The following UNC5A variants were observed in gnomAD, a reference collection of about 807,000 sequenced individuals.
The protein encoded by UNC5A is netrin receptor UNC5A.
A neutral mutation model predicts 87.4 loss-of-function variants in UNC5A; 20 were observed. The ratio of observed to expected loss-of-function variants is 0.23; its 90% confidence interval spans 0.16 to 0.33. UNC5A has a LOEUF of 0.33. Ranked by LOEUF, UNC5A falls within the 10% of genes least tolerant of loss-of-function variation. UNC5A has a pLI of 1.00. For synonymous variants in UNC5A, 438 were observed against 482.3 expected (o/e 0.91, Z 1.20); for missense variants, 844 against 1,133.4 (o/e 0.74, Z 3.67).
chr5:176,873,858 T>G, intron 6 of UNC5A, 110 bp from the exon 7 acceptor site: 3 of 1,165,946 alleles, frequency 2.6e-6, no homozygotes, highest in Non-Finnish European at 3.6e-6. Flanking sequence ...CCCTAGCTAG[T>G]GCAGATGCCC....
At chr5:176,864,874 C>T in intron 2 of UNC5A, 1 of 455,586 alleles carries the variant, frequency 2.2e-6, no homozygotes, top group Non-Finnish European at 4.4e-6. Flanking sequence ...GCACCAACAC[C>T]TCCCAGGACC....
At chr5:176,847,788 C>A (rs972704652) in intron 1 of UNC5A, among the ~76,000 whole-genome samples, 1 of 152,162 alleles carries the variant, frequency 6.6e-6, no homozygotes, top group African/African-American at 2.4e-5. Flanking sequence ...CCTTCAAGAG[C>A]CCCTAAATCT....
intron 1 of UNC5A, among the ~76,000 whole-genome samples, chr5:176,813,844 G>A (rs1756527342): frequency 6.6e-6 from 1 of 152,202 alleles, no homozygotes; most frequent in African/African-American, 2.4e-5. Context: ...CCCTGCTCTA[G>A]TGCTGGGCCT....
At chr5:176,879,648 G>A in intron 14 of UNC5A, 73 bp from the exon 15 acceptor site, 5 of 1,581,940 alleles carry the variant, frequency 3.2e-6, no homozygotes, top group Non-Finnish European at 4.3e-6. Context: ...CCTGCCCTGG[G>A]GTGGGCCAGG....
At chr5:176,877,062 G>A in intron 8 of UNC5A, 130 bp from the exon 9 acceptor site, 1 of 715,418 alleles carries the variant, frequency 1.4e-6, no homozygotes, top group South Asian at 1.9e-5. Context: ...GGCAGTCTTT[G>A]AGGCCCCTCT....
At chr5:176,850,105 C>T (rs1036494651) in intron 1 of UNC5A, among the ~76,000 whole-genome samples, 11 of 152,330 alleles carry the variant, frequency 7.2e-5, no homozygotes, top group Admixed American at 5.2e-4. Flanking sequence ...AGCCCCACGT[C>T]CCCCAGTCCC....
In UNC5A at chr5:176,868,492, G is replaced by C; in HGVS notation, c.437-69G>C. On this transcript the variant is annotated intron_variant, in intron 3 of 14. Transcript: ENST00000329542. ...TGTGCCACGGCCCCTGCAGGACAAGGGACACAGCCAGCCAGGCTGAGCCTG... is the reference window on the plus strand; with the variant it reads ...TGTGCCACGGCCCCTGCAGGACAAGCGACACAGCCAGCCAGGCTGAGCCTG... 4.6e-6 allele frequency: 7 copies of C among 1,521,404 alleles called. No individual in the cohort carries two copies. The South Asian group carries it at 7.2e-5, about 16-fold the overall frequency. The allele number at this position is 1,521,404 out of a possible 1,614,324, so 94.2% of individuals were successfully genotyped here.
intron 1 of UNC5A, among the ~76,000 whole-genome samples, chr5:176,833,516 C>T (rs1357428989): frequency 1.8e-4 from 27 of 151,992 alleles, no homozygotes; most frequent in Admixed American, 1.8e-3. Context: ...ATATATGTAC[C>T]ACATGTTCTT....
In UNC5A at chr5:176,862,310, G is replaced by C. The variant is rs1056131831; in HGVS notation, c.71-314G>C. 9.8e-5 allele frequency among the ~76,000 whole-genome samples: 15 copies of C among 152,328 alleles called. 1 individual carries two copies. The highest frequency in any genetic ancestry group is 6.8e-3 in the Middle Eastern group (2 of 294). On this transcript the variant is annotated intron_variant, in intron 1 of 14. Coordinates refer to ENST00000329542, the MANE Select transcript of UNC5A (RefSeq NM_133369.3). The stretch of plus-strand genomic sequence containing the variant: ...GGACCTCCCGGGCAGGGGCCTGCCT[G>C]GCCAGATCCCTGGACTTCTAGGAAG...
rs1354070116 is a variant in UNC5A at position 176,870,410 on chromosome 5, T to C, written c.762T>C (p.Cys254=). 1 of 1,612,252 alleles carries C rather than the reference T, an allele frequency of 6.2e-7. No individual in the cohort carries two copies. Among genetic ancestry groups the C allele is most frequent in the East Asian group, 2.2e-5 (1 of 44,866 alleles). The change falls in exon 6 of 15, where the codon TGT becomes TGC. Residue 254 remains cysteine, a synonymous_variant. Coordinates refer to ENST00000329542, the MANE Select transcript of UNC5A (RefSeq NM_133369.3). ...SWSPWSKWSA[C]GLDCTHWRSR... The stretch of plus-strand genomic sequence containing the variant: ...GCCCGTGGAGCAAGTGGTCGGCCTG[T>C]GGGCTGGACTGCACCCACTGGCGGA...
chr5:176,810,971 T>G lies in UNC5A; in HGVS notation c.70+151T>G. 4.7e-6 allele frequency: 3 copies of G among 633,198 alleles called. No individual in the cohort carries two copies. Among genetic ancestry groups the G allele is most frequent in the Non-Finnish European group, 6.3e-6 (3 of 474,780 alleles). The allele number at this position is 633,198 out of a possible 1,614,324, so 39.2% of individuals were successfully genotyped here. On this transcript the variant is annotated intron_variant, in intron 1 of 14. Coordinates refer to ENST00000329542, the MANE Select transcript of UNC5A (RefSeq NM_133369.3). The surrounding 1 kb of genome is among the most constrained non-coding windows in gnomAD (Gnocchi z 7.3). The stretch of plus-strand genomic sequence containing the variant: ...CGAGGCGGGACGCGGGGGGCTCTTC[T>G]TGCTGCTGCGCAGCTTCCCCGCGCG...
chr5:176,813,771 C>T (rs1003402021), intron 1 of UNC5A, among the ~76,000 whole-genome samples: 1 of 152,250 alleles, frequency 6.6e-6, no homozygotes, highest in African/African-American at 2.4e-5. Context: ...GGGCCCAGAC[C>T]CGCAGGCTGG....
At chr5:176,811,468 G>A (rs1756452447) in intron 1 of UNC5A, among the ~76,000 whole-genome samples, 1 of 152,224 alleles carries the variant, frequency 6.6e-6, no homozygotes, top group Non-Finnish European at 1.5e-5. Context: ...CTGGTGCGGG[G>A]GGCCAGAGTT....
chr5:176,847,690 C>T, intron 1 of UNC5A, among the ~76,000 whole-genome samples: 1 of 151,848 alleles, frequency 6.6e-6, no homozygotes, highest in Non-Finnish European at 1.5e-5. Flanking sequence ...AATACCCACA[C>T]AGAGAGACTC....
Position 176,851,096 on chromosome 5 carries a change from C to G in UNC5A, c.71-11528C>G, listed in dbSNP as rs141658972. Among the ~76,000 whole-genome samples the G allele has an allele frequency of 5.6e-4, 85 of 152,358 alleles. No homozygotes were observed. In the East Asian group the frequency reaches 0.014, roughly 26 times the overall value. ...CGGTGCCAGGACATGTTGCCAGATGCATGCTCCTGGTTGAGAGCCCGGGGC... is the reference window on the plus strand; with the variant it reads ...CGGTGCCAGGACATGTTGCCAGATGGATGCTCCTGGTTGAGAGCCCGGGGC... On this transcript the variant is annotated intron_variant, in intron 1 of 14. Transcript: ENST00000329542.
chr5:176,816,994 T>C (rs915137762), intron 1 of UNC5A, among the ~76,000 whole-genome samples: 1 of 152,174 alleles, frequency 6.6e-6, no homozygotes, highest in Non-Finnish European at 1.5e-5. Context: ...CCAGCCCTGT[T>C]TGAAGTGGGA....
At chr5:176,876,701 G>A (rs943128135) in intron 8 of UNC5A, among the ~76,000 whole-genome samples, 5 of 152,180 alleles carry the variant, frequency 3.3e-5, no homozygotes, top group Admixed American at 6.5e-5. Context: ...AAGGGAGAGG[G>A]GAGCTGGAGC....
At chr5:176,860,273 G>A (rs1202264206) in intron 1 of UNC5A, among the ~76,000 whole-genome samples, 1 of 152,214 alleles carries the variant, frequency 6.6e-6, no homozygotes, top group African/African-American at 2.4e-5. Flanking sequence ...ATCCATCTTG[G>A]CCTGTCCTCT....
intron 6 of UNC5A, among the ~76,000 whole-genome samples, chr5:176,871,937 T>C (rs1360532022): frequency 1.3e-4 from 1 of 7,412 alleles, no homozygotes; most frequent in Non-Finnish European, 3.0e-4. Context: ...CTGCCCACAC[T>C]CGCCCCAACA....
Sources: allele counts gnomAD v4.1 joint callset (sites outside exome capture counted in the v4.1 genomes callset), GRCh38; gene constraint gnomAD v4.1.1; non-coding constraint Gnocchi (gnomAD v3.1); transcripts MANE v1.5; gene names NCBI Gene and HGNC (gene_info 2026-07-23, HGNC 2026-07-21).